PCDHGA4: variants seen among roughly 807,000 people sequenced by gnomAD.
PCDHGA4 encodes the protein protocadherin gamma-A4.
A neutral mutation model predicts 54.6 loss-of-function variants in PCDHGA4; 38 were observed. The ratio of observed to expected loss-of-function variants is 0.70; its 90% CI spans 0.54 to 0.91. The LOEUF (loss-of-function observed/expected upper bound fraction) is 0.91, where lower values mean the gene tolerates loss of function less well. PCDHGA4 is among the 40% of genes least tolerant of loss of function. The pLI, the probability that PCDHGA4 is intolerant of heterozygous loss-of-function variation, is 0.00. For synonymous variants in PCDHGA4, 511 were observed against 512.9 expected, an observed-to-expected ratio of 1.00 and a Z score of 0.05; for missense variants, 1,298 against 1,220.9, an observed-to-expected ratio of 1.06 and a Z score of -0.94.
Position 141,490,008 on chromosome 5 carries a change from C to T in PCDHGA4, c.2515-4799C>T. 6.2e-7 allele frequency: 1 copy of T among 1,614,230 alleles called. No homozygotes were observed. ...GTGTGGGAATCCCAGAGAATGCACC[C>T]ATTGGTACTCTGCTGCTCCGCCTCA... On this transcript the variant is annotated intron_variant, in intron 1 of 3. Transcript: ENST00000571252. This position sits in a 1 kb window ranked among gnomAD's most constrained non-coding sequence, Gnocchi z 5.4.
intron 1 of PCDHGA4, chr5:141,394,148 T>C (rs2092927771): frequency 6.2e-7 from 1 of 1,613,768 alleles, no homozygotes; most frequent in African/African-American, 1.3e-5. Context: ...TGGCAGACAT[T>C]AACGACAACC....
rs1444554207 is a variant in PCDHGA4 at position 141,355,807 on chromosome 5, G to T, written c.700G>T (p.Glu234Ter). The change falls in exon 1 of 4, where the codon GAG becomes TAG. Residue 234 changes from glutamate to a stop codon, truncating the protein, a stop_gained. Transcript: ENST00000571252. LOFTEE classifies it high-confidence loss of function. Reference sequence around the variant, plus strand: ...GGTGCTGGAACGCGCTCTAGATCGCGAGGAAGAGGCGGTTCACCACCTCGT... The same window carrying T: ...GGTGCTGGAACGCGCTCTAGATCGCTAGGAAGAGGCGGTTCACCACCTCGT... ...ELVLERALDR[E>*]EEAVHHLVLT... 1.2e-6 allele frequency: 2 copies of T among 1,613,264 alleles called. No individual in the cohort carries two copies.
chr5:141,371,177 A>G lies in PCDHGA4; in HGVS notation c.2514+13556A>G, dbSNP rs757223785. 48 of 1,613,920 alleles carry G rather than the reference A, an allele frequency of 3.0e-5. No homozygotes were observed. In the South Asian group the frequency reaches 4.9e-4, roughly 17 times the overall value. ...AGAACCTGCCCGCTGGCTCCTCCGT[A>G]TTAAAAGTGATGGCCATTGACATGG... On this transcript the variant is annotated intron_variant, in intron 1 of 3. Coordinates refer to ENST00000571252, the MANE Select transcript of PCDHGA4 (RefSeq NM_018917.4).
rs755732164 is a variant in PCDHGA4 at position 141,375,200 on chromosome 5, G to T, written c.2514+17579G>T. ...AGTAATCGCCCTTTTTCAAGTGTTC[G>T]ATCGAGACTCTGGCCTGAATGGCCT... On this transcript the variant is annotated intron_variant, in intron 1 of 3. Coordinates refer to ENST00000571252, the MANE Select transcript of PCDHGA4 (RefSeq NM_018917.4). 8.1e-6 allele frequency: 13 copies of T among 1,613,822 alleles called. No individual in the cohort carries two copies. Among genetic ancestry groups the T allele is most frequent in the East Asian group, 2.2e-5 (1 of 44,902 alleles).
chr5:141,443,788 A>C (rs1468852602), intron 1 of PCDHGA4, among the ~76,000 whole-genome samples: 2 of 152,224 alleles, frequency 1.3e-5, no homozygotes, highest in African/African-American at 4.8e-5. Context: ...AGACAAAAAA[A>C]ATGAAAAGGA....
At position 141,431,376 on chromosome 5, in the gene PCDHGA4, C is replaced by T. The variant is rs558222633; in HGVS notation, c.2515-63431C>T. The T allele has an allele frequency of 1.2e-6, 2 of 1,613,436 alleles. No homozygotes were observed. Among genetic ancestry groups the T allele is most frequent in the African/African-American group, 2.7e-5 (2 of 75,070 alleles). On this transcript the variant is annotated intron_variant, in intron 1 of 3. Coordinates refer to ENST00000571252, the MANE Select transcript of PCDHGA4 (RefSeq NM_018917.4). The surrounding 1 kb of genome is among the most constrained non-coding windows in gnomAD (Gnocchi z 4.8). Reference sequence around the variant, plus strand: ...CGCGCCCTGGACCGCGAAGAAAAGGCTGCTCACCACCTGGTCCTTACGGCC... The same window carrying T: ...CGCGCCCTGGACCGCGAAGAAAAGGTTGCTCACCACCTGGTCCTTACGGCC...
chr5:141,469,226 A>G (rs998643671), intron 1 of PCDHGA4, among the ~76,000 whole-genome samples: 1 of 152,066 alleles, frequency 6.6e-6, no homozygotes, highest in Non-Finnish European at 1.5e-5. Context: ...TCAGTGAGCC[A>G]TGATCACCCC....
chr5:141,509,819 C>T (rs1008625658), intron 3 of PCDHGA4, among the ~76,000 whole-genome samples: 3 of 152,154 alleles, frequency 2.0e-5, no homozygotes, highest in African/African-American at 7.2e-5. Context: ...AGCTCTTCTC[C>T]ATCTTCTCTC....
chr5:141,441,823 C>A (rs538052540), intron 1 of PCDHGA4: 6 of 357,336 alleles, frequency 1.7e-5, no homozygotes, highest in South Asian at 7.1e-5. Flanking sequence ...AGCTCTGGAG[C>A]GCAATGGCTT....
intron 1 of PCDHGA4, among the ~76,000 whole-genome samples, chr5:141,397,434 A>G (rs1343347268): frequency 1.3e-5 from 2 of 152,238 alleles, no homozygotes; most frequent in African/African-American, 4.8e-5. Context: ...TTTCCCTAAT[A>G]TGTGTAATAT....
At chr5:141,402,474 G>T (rs2094271773) in intron 1 of PCDHGA4, among the ~76,000 whole-genome samples, 1 of 152,122 alleles carries the variant, frequency 6.6e-6, no homozygotes, top group South Asian at 2.1e-4. Flanking sequence ...GAAATAGAGT[G>T]CAAAGTTCTA....
intron 3 of PCDHGA4, among the ~76,000 whole-genome samples, chr5:141,509,277 T>TC (rs566266970): frequency 0.011 from 1,653 of 152,240 alleles, 22 homozygotes; most frequent in Non-Finnish European, 0.018. Context: ...CGCTACCCGC[T>TC]CCCAGGGTCC....
In PCDHGA4 at chr5:141,355,598, T is replaced by G. The variant is rs749684792; in HGVS notation, c.491T>G (p.Phe164Cys). Residue 164 changes from phenylalanine (F) to cysteine (C), a missense_variant, in exon 1 of 4, where the codon TTT becomes TGT. Coordinates refer to ENST00000571252, the MANE Select transcript of PCDHGA4 (RefSeq NM_018917.4). The part of the protein sequence containing the change: ...IIDVNDNPPS[F>C]GTEQREIKVA... Reference sequence around the variant, plus strand: ...GATGTTAATGATAACCCACCCAGTTTTGGGACAGAACAGAGGGAAATAAAA... The same window carrying G: ...GATGTTAATGATAACCCACCCAGTTGTGGGACAGAACAGAGGGAAATAAAA... 6.2e-7 allele frequency: 1 copy of G among 1,613,952 alleles called. No individual in the cohort carries two copies. Among genetic ancestry groups the G allele is most frequent in the Non-Finnish European group, 8.5e-7 (1 of 1,179,864 alleles).
chr5:141,466,992 A>ATTT (rs985433044), intron 1 of PCDHGA4, among the ~76,000 whole-genome samples: 1 of 148,706 alleles, frequency 6.7e-6, no homozygotes, highest in African/African-American at 2.5e-5. Flanking sequence ...ACCTTTTGGC[A>ATTT]TTTTTTTGCA....
At chr5:141,372,324 G>T (rs559633972) in intron 1 of PCDHGA4, 3 of 1,613,586 alleles carry the variant, frequency 1.9e-6, no homozygotes, top group African/African-American at 1.3e-5. Flanking sequence ...GCGCCTGCTG[G>T]TCACTGTGCG....
At chr5:141,424,956 T>A (rs1435882776) in intron 1 of PCDHGA4, among the ~76,000 whole-genome samples, 1 of 152,176 alleles carries the variant, frequency 6.6e-6, no homozygotes, top group African/African-American at 2.4e-5. Context: ...TTCTAGGTAT[T>A]TGCCCCAAAT....
chr5:141,375,761 C>T (rs1771855837), intron 1 of PCDHGA4: 1 of 1,614,118 alleles, frequency 6.2e-7, no homozygotes, highest in Admixed American at 1.7e-5. Flanking sequence ...TGACAATGCG[C>T]CCGAGATCCT....
intron 1 of PCDHGA4, among the ~76,000 whole-genome samples, chr5:141,470,888 T>C (rs2099243463): frequency 6.6e-6 from 1 of 151,912 alleles, no homozygotes; most frequent in Non-Finnish European, 1.5e-5. Context: ...GTTTTTGTTT[T>C]TGTTTTTTGT....
At position 141,486,112 on chromosome 5, in the gene PCDHGA4, G is replaced by A; in HGVS notation, c.2515-8695G>A. ...TGGGGCCCCTAGACTTTGAGAGTGA[G>A]AATTACTATGAATTTGATGTGCGGG... On this transcript the variant is annotated intron_variant, in intron 1 of 3. Transcript: ENST00000571252. This position sits in a 1 kb window ranked among gnomAD's most constrained non-coding sequence, Gnocchi z 5.0. 1 of 1,614,166 alleles carries A rather than the reference G, an allele frequency of 6.2e-7. No homozygotes were observed. Among genetic ancestry groups the A allele is most frequent in the Non-Finnish European group, 8.5e-7 (1 of 1,180,024 alleles).
Sources: gnomAD v4.1 joint callset for allele counts (sites outside exome capture counted in the v4.1 genomes callset) on GRCh38, gnomAD v4.1.1 for gene constraint, Gnocchi (gnomAD v3.1) non-coding constraint, MANE v1.5 for transcripts, NCBI Gene and HGNC (gene_info 2026-07-23, HGNC 2026-07-21) for gene names.